Variants in LRRC4C observed in about 807,000 individuals in gnomAD.
LRRC4C encodes leucine rich repeat containing 4C.
Under a neutral mutation model 33.6 loss-of-function variants are expected in LRRC4C, and 5 were observed. That is an observed-to-expected ratio of 0.15 (90% confidence interval 0.08 to 0.31). The LOEUF is 0.31. Among genes scored for constraint, LRRC4C ranks in the 10% least tolerant of loss-of-function variants. The pLI is 1.00. For missense variants in LRRC4C, 560 were observed against 796.7 expected (o/e 0.70, Z 3.58); for synonymous variants, 329 against 302.0 (o/e 1.09, Z -0.93).
At position 41,264,095 on chromosome 11, in the gene LRRC4C, A is replaced by T. The variant is rs1015338382; in HGVS notation, c.-496+195336T>A. 3.3e-3 allele frequency among the ~76,000 whole-genome samples: 474 copies of T among 142,750 alleles called. 5 individuals carry two copies. The highest frequency in any genetic ancestry group is 0.011 in the Middle Eastern group (3 of 278). 93.6% of individuals were successfully genotyped at this position (142,750 alleles called of 152,430 possible). On this transcript the variant is annotated intron_variant, in intron 1 of 6. Transcript: ENST00000528697. Reference sequence around the variant, plus strand: ...ATACATACAAATTTCCTTTTTATTAATTTTTTTTTTTTTTTGAGATGGAGT... The same window carrying T: ...ATACATACAAATTTCCTTTTTATTATTTTTTTTTTTTTTTTGAGATGGAGT...
rs76482442 is a variant in LRRC4C, at chr11:41,329,904, C to T, written c.-496+129527G>A. On this transcript the variant is annotated intron_variant, in intron 1 of 6. Transcript: ENST00000528697. ...TAGAAAACCCACTGAACACTGAGCA[C>T]GTGGAAAGCAGACATATCATTATCT... Among the ~76,000 whole-genome samples, 561 of 152,268 alleles carry T rather than the reference C, an allele frequency of 3.7e-3. 3 individuals carry two copies. Among genetic ancestry groups the T allele is most frequent in the African/African-American group, 0.013 (521 of 41,546 alleles).
At chr11:41,073,837 A>G (rs920382449) in intron 1 of LRRC4C, among the ~76,000 whole-genome samples, 14 of 152,204 alleles carry the variant, frequency 9.2e-5, no homozygotes, top group African/African-American at 2.9e-4. Context: ...TCAGTGCTAC[A>G]TAGTATCACA....
At chr11:40,216,517 A>G (rs1863988837) in intron 5 of LRRC4C, among the ~76,000 whole-genome samples, 1 of 152,148 alleles carries the variant, frequency 6.6e-6, no homozygotes, top group Admixed American at 6.6e-5. Context: ...AATGTTTTCA[A>G]GAGGCCAAAT....
At chr11:41,000,083 TA>T (rs1260542438) in intron 1 of LRRC4C, among the ~76,000 whole-genome samples, 3 of 152,032 alleles carry the variant, frequency 2.0e-5, no homozygotes, top group Non-Finnish European at 2.9e-5. Flanking sequence ...AAAAAACAAT[TA>T]AAAAAATTAT....
chr11:40,176,266 C>A (rs938444799), intron 5 of LRRC4C, among the ~76,000 whole-genome samples: 2 of 152,112 alleles, frequency 1.3e-5, no homozygotes, highest in African/African-American at 4.8e-5. Context: ...TAGAACGCGG[C>A]ATTATGTGGC....
intron 4 of LRRC4C, among the ~76,000 whole-genome samples, chr11:40,314,847 A>G (rs1259942288): frequency 6.6e-6 from 1 of 152,040 alleles, no homozygotes; most frequent in Non-Finnish European, 1.5e-5. Context: ...AGCTAAAAAA[A>G]AGTTGATCTC....
intron 1 of LRRC4C, among the ~76,000 whole-genome samples, chr11:41,113,061 A>G (rs1941932677): frequency 6.6e-6 from 1 of 152,120 alleles, no homozygotes. Context: ...ATGATATTTT[A>G]AATTTTGCAA....
chr11:40,254,942 G>C (rs1272833084), intron 4 of LRRC4C, among the ~76,000 whole-genome samples: 2 of 152,136 alleles, frequency 1.3e-5, no homozygotes, highest in African/African-American at 4.8e-5. Context: ...TCAAGTAGTT[G>C]AGACTACAGG....
intron 2 of LRRC4C, among the ~76,000 whole-genome samples, chr11:40,869,509 C>T (rs116690736): frequency 0.014 from 2,153 of 152,188 alleles, 43 homozygotes; most frequent in African/African-American, 0.049. Context: ...AGCAGCTTCT[C>T]GATAAGATCT....
intron 3 of LRRC4C, among the ~76,000 whole-genome samples, chr11:40,387,851 C>A: frequency 6.6e-6 from 1 of 152,166 alleles, no homozygotes; most frequent in East Asian, 1.9e-4. Flanking sequence ...GTTGGACTGA[C>A]TTGCTGTTGG....
intron 3 of LRRC4C, among the ~76,000 whole-genome samples, chr11:40,346,716 A>T (rs1026220302): frequency 1.3e-5 from 2 of 152,222 alleles, no homozygotes; most frequent in African/African-American, 4.8e-5. Flanking sequence ...CGTTTTTTTA[A>T]AAGCAAACAA....
chr11:40,561,155 T>C (rs753254885), intron 3 of LRRC4C, among the ~76,000 whole-genome samples: 11 of 152,146 alleles, frequency 7.2e-5, no homozygotes, highest in Non-Finnish European at 1.2e-4. Context: ...CTCAGCACAA[T>C]GCTAATCACA....
chr11:40,626,616 G>T (rs142584079), intron 3 of LRRC4C, among the ~76,000 whole-genome samples: 1 of 152,170 alleles, frequency 6.6e-6, no homozygotes. Context: ...TGTGTGAGAA[G>T]GAAGCTCCAA....
chr11:40,538,636 G>C (rs1232406900), intron 3 of LRRC4C, among the ~76,000 whole-genome samples: 2 of 152,148 alleles, frequency 1.3e-5, no homozygotes, highest in East Asian at 3.9e-4. Flanking sequence ...ATAATCCTTT[G>C]GGTATATACC....
intron 5 of LRRC4C, among the ~76,000 whole-genome samples, chr11:40,214,011 T>A (rs1336424822): frequency 6.6e-6 from 1 of 152,164 alleles, no homozygotes; most frequent in Non-Finnish European, 1.5e-5. Context: ...TTAATCCCAT[T>A]GTTAGTAAAC....
At chr11:40,789,297 G>A (rs1318181511) in intron 2 of LRRC4C, among the ~76,000 whole-genome samples, 1 of 151,980 alleles carries the variant, frequency 6.6e-6, no homozygotes, top group Non-Finnish European at 1.5e-5. Flanking sequence ...TTTCAGGTAA[G>A]ATATGAGCTA....
chr11:41,252,473 A>C (rs1948671331), intron 1 of LRRC4C, among the ~76,000 whole-genome samples: 2 of 152,210 alleles, frequency 1.3e-5, no homozygotes, highest in Admixed American at 1.3e-4. Flanking sequence ...AGAAAAGGGA[A>C]TCCGGACCCA....
chr11:40,453,117 C>T (rs1951968240), intron 3 of LRRC4C, among the ~76,000 whole-genome samples: 1 of 152,010 alleles, frequency 6.6e-6, no homozygotes, highest in Admixed American at 6.5e-5. Context: ...ACCAGCATGG[C>T]ACATGTATAC....
At chr11:40,952,617 T>C (rs1958746020) in intron 1 of LRRC4C, among the ~76,000 whole-genome samples, 1 of 151,950 alleles carries the variant, frequency 6.6e-6, no homozygotes, top group Non-Finnish European at 1.5e-5. Context: ...TGGATATGTA[T>C]ATATGATTTG....
Sources: allele counts gnomAD v4.1 joint callset (sites outside exome capture counted in the v4.1 genomes callset), GRCh38; gene constraint gnomAD v4.1.1; transcripts MANE v1.5; gene names NCBI Gene and HGNC (gene_info 2026-07-23, HGNC 2026-07-21).